ZFHX3: variants seen among roughly 807,000 people sequenced by gnomAD.
ZFHX3 encodes zinc finger homeobox protein 3.
In ZFHX3, 42 loss-of-function variants were observed where a neutral mutation model predicts 279.1. The observed-to-expected ratio is 0.15, with a 90% CI of 0.12 to 0.19. The LOEUF (loss-of-function observed/expected upper bound fraction) is 0.19, where lower values mean the gene tolerates loss of function less well. Ranked by LOEUF, ZFHX3 falls within the 10% of genes least tolerant of loss-of-function variation. The pLI is 1.00. For synonymous variants in ZFHX3, 2,293 were observed against 1,957.8 expected, an observed-to-expected ratio of 1.17 and a Z score of -4.52; for missense variants, 4,981 against 4,754.0, an observed-to-expected ratio of 1.05 and a Z score of -1.40.
chr16:73,388,687 A>C (rs1043207707), intron 3 of ZFHX3: 3 of 152,180 alleles, frequency 2.0e-5, no homozygotes, highest in African/African-American at 4.8e-5. Context: ...TCCTGGTTGC[A>C]TCAGACACCA....
intron 3 of ZFHX3, among the ~76,000 whole-genome samples, chr16:73,322,222 G>A (rs949678177): frequency 6.6e-6 from 1 of 152,062 alleles, no homozygotes; most frequent in African/African-American, 2.4e-5. Flanking sequence ...GAGCCCAGAG[G>A]CAGATGAAAT....
chr16:73,442,685 G>A (rs2018115327), intron 3 of ZFHX3, among the ~76,000 whole-genome samples: 1 of 152,058 alleles, frequency 6.6e-6, no homozygotes, highest in African/African-American at 2.4e-5. Context: ...CCCACCTCAG[G>A]GCCATGCCCC....
chr16:73,626,583 T>C (rs148014017), intron 2 of ZFHX3, among the ~76,000 whole-genome samples: 2 of 152,252 alleles, frequency 1.3e-5, no homozygotes, highest in African/African-American at 4.8e-5. Flanking sequence ...GATATCCACC[T>C]AGAAGACCTA....
At chr16:73,685,405 T>C (rs943563882) in intron 1 of ZFHX3, among the ~76,000 whole-genome samples, 2 of 152,218 alleles carry the variant, frequency 1.3e-5, no homozygotes, top group Non-Finnish European at 2.9e-5. Flanking sequence ...TATTACTGGC[T>C]TTGAAGACTG....
intron 6 of ZFHX3, 38 bp downstream of exon 6, chr16:72,811,867 C>T: frequency 6.6e-7 from 1 of 1,507,640 alleles, no homozygotes; most frequent in Non-Finnish European, 9.0e-7. Context: ...GTCTAAAACA[C>T]CTCACCTCCC....
At chr16:73,550,169 C>T (rs2020182255) in intron 2 of ZFHX3, among the ~76,000 whole-genome samples, 1 of 152,038 alleles carries the variant, frequency 6.6e-6, no homozygotes, top group South Asian at 2.1e-4. Context: ...CGGGGCTGGG[C>T]CGTGTCAGGG....
intron 1 of ZFHX3, among the ~76,000 whole-genome samples, chr16:73,734,681 A>G (rs760537366): frequency 6.6e-6 from 1 of 152,198 alleles, no homozygotes; most frequent in African/African-American, 2.4e-5. Flanking sequence ...AAATGTGTCC[A>G]CAATTTCAAC....
At chr16:73,015,409 C>G (rs1414841083) in intron 1 of ZFHX3, 1 of 152,184 alleles carries the variant, frequency 6.6e-6, no homozygotes, top group Non-Finnish European at 1.5e-5. Context: ...GAAAAAACCT[C>G]CCATCCTGGC....
intron 4 of ZFHX3, among the ~76,000 whole-genome samples, chr16:73,275,261 T>C (rs964529824): frequency 6.6e-6 from 1 of 152,192 alleles, no homozygotes; most frequent in African/African-American, 2.4e-5. Flanking sequence ...TCTTCCTCTA[T>C]TTTACATGTT....
chr16:73,451,054 GC>G (rs11289225), intron 3 of ZFHX3, among the ~76,000 whole-genome samples: 1,820 of 152,278 alleles, frequency 0.012, 30 homozygotes, highest in African/African-American at 0.042. Flanking sequence ...CATGGGTCAT[GC>G]TCTGTGTTCC....
chr16:73,358,271 G>A (rs938810859), intron 3 of ZFHX3, among the ~76,000 whole-genome samples: 3 of 152,232 alleles, frequency 2.0e-5, no homozygotes, highest in African/African-American at 7.2e-5. Flanking sequence ...ACTTCTAATG[G>A]ATAGAATATG....
intron 1 of ZFHX3, among the ~76,000 whole-genome samples, chr16:73,766,138 G>A (rs1177749885): frequency 6.6e-6 from 1 of 152,084 alleles, no homozygotes; most frequent in South Asian, 2.1e-4. Context: ...TACGGAAAAA[G>A]CATTCTGTTC....
rs112473015 is a variant in ZFHX3, at chr16:73,314,768, T to C, written c.-1194+3472A>G. 9.7e-3 allele frequency among the ~76,000 whole-genome samples: 1,483 copies of C among 152,326 alleles called. 33 individuals are homozygous for C. The highest frequency in any genetic ancestry group is 0.034 in the African/African-American group (1,412 of 41,554). On this transcript the variant is annotated intron_variant, in intron 4 of 17. Transcript: ENST00000641206. ...AGGACATTTCTTAATATTTGACAGA[T>C]TGAAGGGTAAAAGACCCAACAACTT...
chr16:72,963,595 A>C (rs1452418210), intron 1 of ZFHX3, among the ~76,000 whole-genome samples: 1 of 152,236 alleles, frequency 6.6e-6, no homozygotes, highest in East Asian at 1.9e-4. Context: ...AGCCCACTGC[A>C]TCTTTGCAAA....
At chr16:73,718,285 C>A (rs1353413607) in intron 1 of ZFHX3, among the ~76,000 whole-genome samples, 1 of 152,112 alleles carries the variant, frequency 6.6e-6, no homozygotes, top group Non-Finnish European at 1.5e-5. Context: ...GTGGCAGGCA[C>A]CTGTAATCCC....
At chr16:73,749,080 G>A (rs2053732229) in intron 1 of ZFHX3, among the ~76,000 whole-genome samples, 1 of 151,952 alleles carries the variant, frequency 6.6e-6, no homozygotes, top group Non-Finnish European at 1.5e-5. Flanking sequence ...GAGCCACCAT[G>A]CCCGGCCCCA....
At chr16:73,719,641 T>A (rs115714379) in intron 1 of ZFHX3, among the ~76,000 whole-genome samples, 1,809 of 152,278 alleles carry the variant, frequency 0.012, 33 homozygotes, top group African/African-American at 0.04. Context: ...TTATTTATTT[T>A]TTTATTTTTT....
intron 7 of ZFHX3, among the ~76,000 whole-genome samples, chr16:72,800,858 C>T (rs140600175): frequency 5.9e-5 from 9 of 152,324 alleles, no homozygotes; most frequent in Admixed American, 1.3e-4. Context: ...CAGCATTCTA[C>T]AACAGGGCAG....
chr16:73,325,214 A>C (rs981824168), intron 3 of ZFHX3, among the ~76,000 whole-genome samples: 1 of 152,148 alleles, frequency 6.6e-6, no homozygotes, highest in Non-Finnish European at 1.5e-5. Context: ...TGGATGGTTA[A>C]TGTGAGGTCA....
Sources: gnomAD v4.1 joint callset for allele counts (sites outside exome capture counted in the v4.1 genomes callset) on GRCh38, gnomAD v4.1.1 for gene constraint, MANE v1.5 for transcripts, NCBI Gene and HGNC (gene_info 2026-07-23, HGNC 2026-07-21) for gene names.